Variants in GALNT18 observed in about 807,000 individuals in gnomAD.
GALNT18 encodes polypeptide N-acetylgalactosaminyltransferase 18.
Under a neutral mutation model 69.5 loss-of-function variants are expected in GALNT18, and 44 were observed. That is an observed-to-expected ratio of 0.63 (90% CI 0.50 to 0.81). GALNT18 has a LOEUF of 0.81. Ranked by LOEUF, GALNT18 falls within the 40% of genes least tolerant of loss-of-function variation. The pLI is 0.00. For synonymous variants in GALNT18, 364 were observed against 318.2 expected, an observed-to-expected ratio of 1.14 and a Z score of -1.53; for missense variants, 715 against 810.0, an observed-to-expected ratio of 0.88 and a Z score of 1.42.
intron 3 of GALNT18, among the ~76,000 whole-genome samples, chr11:11,390,414 A>C (rs995198587): frequency 6.6e-6 from 1 of 152,202 alleles, no homozygotes; most frequent in Non-Finnish European, 1.5e-5. Flanking sequence ...AGGGGACTAG[A>C]AAACATACAC....
chr11:11,392,274 C>A (rs1050454992), intron 3 of GALNT18, among the ~76,000 whole-genome samples: 6 of 152,132 alleles, frequency 3.9e-5, no homozygotes, highest in Non-Finnish European at 7.4e-5. Flanking sequence ...GTTTTGAGGA[C>A]CTCTCTGGAA....
At chr11:11,478,070 G>A (rs114939988) in intron 1 of GALNT18, among the ~76,000 whole-genome samples, 1,576 of 152,288 alleles carry the variant, frequency 0.01, 28 homozygotes, top group African/African-American at 0.036. Context: ...TATATTTGGG[G>A]TTGTTTGTCT....
intron 1 of GALNT18, among the ~76,000 whole-genome samples, chr11:11,512,733 G>A (rs1250439218): frequency 6.6e-6 from 1 of 152,180 alleles, no homozygotes; most frequent in East Asian, 1.9e-4. Flanking sequence ...CGGCACCTGA[G>A]GCCTGGGCTC....
Position 11,377,950 on chromosome 11 carries a change from G to T in GALNT18, c.780-571C>A, listed in dbSNP as rs1564918706. 6.6e-6 allele frequency among the ~76,000 whole-genome samples: 1 copy of T among 152,228 alleles called. No individual in the cohort carries two copies. Among genetic ancestry groups the T allele is most frequent in the Non-Finnish European group, 1.5e-5 (1 of 68,038 alleles). ...TGGGGCATTTGGGCTTTCCCAGGGA[G>T]CTGGGAGACCCTTGAAGGCACCAGG... is the stretch of plus-strand genomic sequence containing the variant. On this transcript the variant is annotated intron_variant, in intron 4 of 10. Coordinates refer to ENST00000227756, the MANE Select transcript of GALNT18 (RefSeq NM_198516.3). This position sits in a 1 kb window ranked among gnomAD's most constrained non-coding sequence, Gnocchi z 4.6.
chr11:11,502,174 A>G (rs532419215), intron 1 of GALNT18, among the ~76,000 whole-genome samples: 2 of 152,308 alleles, frequency 1.3e-5, no homozygotes, highest in Non-Finnish European at 2.9e-5. Flanking sequence ...CGAGGCTCAG[A>G]CGGCATGAAT....
chr11:11,510,470 T>C (rs1438000065), intron 1 of GALNT18, among the ~76,000 whole-genome samples: 1 of 122,398 alleles, frequency 8.2e-6, no homozygotes, highest in African/African-American at 2.5e-5. Context: ...GTACAGCTCA[T>C]TTCCAGGCCT....
intron 10 of GALNT18, among the ~76,000 whole-genome samples, chr11:11,291,476 TAGTA>T (rs1405692788): frequency 9.4e-6 from 1 of 105,876 alleles, no homozygotes; most frequent in Non-Finnish European, 2.6e-5. Context: ...GCCTGACACA[TAGTA>T]AGTACTGTAT....
rs1385251345 is a variant in GALNT18, at chr11:11,454,946, A to G, written c.236-6010T>C. Among the ~76,000 whole-genome samples the G allele has an allele frequency of 6.6e-6, 1 of 152,230 alleles. No individual in the cohort carries two copies. Among genetic ancestry groups the G allele is most frequent in the African/African-American group, 2.4e-5 (1 of 41,462 alleles). ...GTCTGTGCAAAGCATGACATTTCTG[A>G]CATTAACAGGCAAACAGGCTGACTC... is the stretch of plus-strand genomic sequence containing the variant. On this transcript the variant is annotated intron_variant, in intron 1 of 10. Transcript: ENST00000227756. This position sits in a 1 kb window ranked among gnomAD's most constrained non-coding sequence, Gnocchi z 4.2.
chr11:11,405,228 T>A (rs1005319769), intron 3 of GALNT18, among the ~76,000 whole-genome samples: 62 of 152,102 alleles, frequency 4.1e-4, no homozygotes, highest in Non-Finnish European at 1.5e-4. Flanking sequence ...ACAGCTCCTC[T>A]TCCCTCCCTT....
rs1429148949 is a variant in GALNT18 at position 11,500,919 on chromosome 11, C to T, written c.236-51983G>A. Among the ~76,000 whole-genome samples the T allele has an allele frequency of 6.6e-6, 1 of 152,244 alleles. No homozygotes were observed. Among genetic ancestry groups the T allele is most frequent in the African/African-American group, 2.4e-5 (1 of 41,462 alleles). ...GGCAGCCAGGTGCACAGCAGGGATG[C>T]ACCTCAGGCCGATTTGCTAGCTGAC... On this transcript the variant is annotated intron_variant, in intron 1 of 10. Transcript: ENST00000227756. The surrounding 1 kb of genome is among the most constrained non-coding windows in gnomAD (Gnocchi z 5.0).
At chr11:11,449,628 C>G (rs1314232995) in intron 1 of GALNT18, among the ~76,000 whole-genome samples, 1 of 152,226 alleles carries the variant, frequency 6.6e-6, no homozygotes, top group Non-Finnish European at 1.5e-5. Flanking sequence ...TCAAGGCCAG[C>G]ACATGGTTTC....
chr11:11,340,711 G>A lies in GALNT18; in HGVS notation c.1278+108C>T. On this transcript the variant is annotated intron_variant, in intron 7 of 10. Coordinates refer to ENST00000227756, the MANE Select transcript of GALNT18 (RefSeq NM_198516.3). The surrounding 1 kb of genome is among the most constrained non-coding windows in gnomAD (Gnocchi z 4.2). ...GGGGTTGAGAGTCCATTCTTGCATGGCAAACAGGACTCTGGCTGACCCATA... is the reference window on the plus strand; with the variant it reads ...GGGGTTGAGAGTCCATTCTTGCATGACAAACAGGACTCTGGCTGACCCATA... 3 of 1,053,706 alleles carry A rather than the reference G, an allele frequency of 2.8e-6. No individual in the cohort carries two copies. Among genetic ancestry groups the A allele is most frequent in the Non-Finnish European group, 4.1e-6 (3 of 728,822 alleles). The allele number at this position is 1,053,706 out of a possible 1,614,324, so 65.3% of individuals were successfully genotyped here.
At position 11,377,455 on chromosome 11, in the gene GALNT18, TC is replaced by T. The variant is rs1853794588; in HGVS notation, c.780-77del. 9.8e-6 allele frequency: 13 copies of T among 1,328,530 alleles called. No individual in the cohort carries two copies. The highest frequency in any genetic ancestry group is 1.4e-5 in the Non-Finnish European group (13 of 930,956). The allele number at this position is 1,328,530 out of a possible 1,614,324, so 82.3% of individuals were successfully genotyped here. A position where few individuals can be genotyped will look rare whatever the true frequency, so the allele number is the denominator to read the frequency against. ...AATCCAGAGTAGCATCTCCTGAAGG[TC>T]CTTCCCCAGCAGAAAGAGGAAGGAA... is the stretch of plus-strand genomic sequence containing the variant. On this transcript the variant is annotated intron_variant, in intron 4 of 10. Transcript: ENST00000227756. The surrounding 1 kb of genome is among the most constrained non-coding windows in gnomAD (Gnocchi z 4.6).
At chr11:11,567,367 T>C (rs139512173) in intron 1 of GALNT18, among the ~76,000 whole-genome samples, 20 of 152,302 alleles carry the variant, frequency 1.3e-4, no homozygotes, top group African/African-American at 4.8e-4. Context: ...AAAGAAGGCA[T>C]CCATTGATTT....
intron 6 of GALNT18, among the ~76,000 whole-genome samples, chr11:11,370,028 A>G (rs1850862486): frequency 6.6e-6 from 1 of 152,196 alleles, no homozygotes; most frequent in East Asian, 1.9e-4. Context: ...CTTACGAGGT[A>G]CATGACCTTG....
chr11:11,444,372 G>C lies in GALNT18; in HGVS notation c.428+4372C>G, dbSNP rs1415196517. 1.3e-5 allele frequency among the ~76,000 whole-genome samples: 2 copies of C among 152,218 alleles called. No individual in the cohort carries two copies. The highest frequency in any genetic ancestry group is 2.9e-5 in the Non-Finnish European group (2 of 68,040). On this transcript the variant is annotated intron_variant, in intron 2 of 10. Transcript: ENST00000227756. This position sits in a 1 kb window ranked among gnomAD's most constrained non-coding sequence, Gnocchi z 4.4. ...ACAAGTCCTCCCCGCCACGGAGCCT[G>C]GGAAATGGTCAGCAGACTCGCCCTC...
intron 5 of GALNT18, among the ~76,000 whole-genome samples, chr11:11,373,497 A>G (rs1029499059): frequency 1.3e-5 from 2 of 152,238 alleles, no homozygotes; most frequent in Admixed American, 6.5e-5. Context: ...TGGTTTCAAA[A>G]GAAAGAAGCA....
chr11:11,426,768 C>T (rs537529119), intron 3 of GALNT18, among the ~76,000 whole-genome samples: 2 of 152,058 alleles, frequency 1.3e-5, no homozygotes, highest in East Asian at 1.9e-4. Context: ...CACTGACCTC[C>T]CTAGTGGGAA....
intron 1 of GALNT18, among the ~76,000 whole-genome samples, chr11:11,519,453 C>T (rs1857347975): frequency 6.6e-6 from 1 of 152,116 alleles, no homozygotes; most frequent in South Asian, 2.1e-4. Flanking sequence ...CACCTGTGAG[C>T]CAGAGGCATG....
Sources: gnomAD v4.1 joint callset for allele counts (sites outside exome capture counted in the v4.1 genomes callset) on GRCh38, gnomAD v4.1.1 for gene constraint, Gnocchi (gnomAD v3.1) non-coding constraint, MANE v1.5 for transcripts, NCBI Gene and HGNC (gene_info 2026-07-23, HGNC 2026-07-21) for gene names.